The following STAC variants were observed in gnomAD, a reference collection of about 807,000 sequenced individuals.
STAC encodes the protein SH3 and cysteine rich domain.
Under a neutral mutation model 48.8 loss-of-function variants are expected in STAC, and 43 were observed. That is an observed-to-expected ratio of 0.88 (90% CI 0.69 to 1.14). STAC has a LOEUF of 1.14. Ranked by LOEUF, STAC falls within the 50% of genes most tolerant of loss-of-function variation. STAC has a pLI of 0.00. For synonymous variants in STAC, 193 were observed against 179.5 expected (o/e 1.07, Z -0.60); for missense variants, 497 against 504.0 (o/e 0.99, Z 0.13).
rs1321774761 is a variant in STAC at position 36,513,637 on chromosome 3, A to G, written c.920+7803A>G. Among the ~76,000 whole-genome samples the G allele has an allele frequency of 3.3e-5, 5 of 152,256 alleles. 1 individual carries two copies. Among genetic ancestry groups the G allele is most frequent in the Middle Eastern group, 6.8e-3 (2 of 294 alleles). On this transcript the variant is annotated intron_variant, in intron 8 of 10. Coordinates refer to ENST00000273183, the MANE Select transcript of STAC (RefSeq NM_003149.3). The stretch of plus-strand genomic sequence containing the variant: ...CTACTTTCTAATAATAAGGCTTACT[A>G]ACTAACTTTCTGAATCTGTTTTCTC...
chr3:36,449,990 C>T (rs1049289539), intron 2 of STAC, among the ~76,000 whole-genome samples: 16 of 152,196 alleles, frequency 1.1e-4, no homozygotes, highest in African/African-American at 3.8e-4. Context: ...CCTACTGGAA[C>T]ATCTGAATGC....
At position 36,547,395 on chromosome 3, in the gene STAC, A is replaced by T. The variant is rs2176995; in HGVS notation, c.*1106A>T. The T allele has an allele frequency of 0.12, 17,727 of 152,690 alleles. 1,228 individuals carry two copies. Among genetic ancestry groups the T allele is most frequent in the Non-Finnish European group, 0.15 (10,258 of 68,000 alleles). 9.5% of individuals were successfully genotyped at this position (152,690 alleles called of 1,614,324 possible). On this transcript the variant is annotated 3_prime_UTR_variant, in exon 11 of 11. Transcript: ENST00000273183. Reference sequence around the variant, plus strand: ...AAAGAATCCTAATGCTTCTTCCTTCAGAAAGTAGAGGAACTAGGGGCCCAA... The same window carrying T: ...AAAGAATCCTAATGCTTCTTCCTTCTGAAAGTAGAGGAACTAGGGGCCCAA...
At chr3:36,475,071 A>AT (rs1697456297) in intron 2 of STAC, among the ~76,000 whole-genome samples, 1 of 150,116 alleles carries the variant, frequency 6.7e-6, no homozygotes, top group Non-Finnish European at 1.5e-5. Context: ...ACTTAGTTTG[A>AT]TTTTTTCCTC....
At chr3:36,426,531 A>C (rs2125649046) in intron 1 of STAC, among the ~76,000 whole-genome samples, 1 of 152,380 alleles carries the variant, frequency 6.6e-6, no homozygotes, top group South Asian at 2.1e-4. Flanking sequence ...TGAAATACAC[A>C]AAGTATTCTG....
chr3:36,490,861 G>C (rs757462467), intron 5 of STAC, among the ~76,000 whole-genome samples: 6 of 152,144 alleles, frequency 3.9e-5, no homozygotes, highest in Non-Finnish European at 7.4e-5. Context: ...GGTTTTAGGA[G>C]CAAAAAGCAT....
At chr3:36,504,736 A>G (rs1698359596) in intron 7 of STAC, among the ~76,000 whole-genome samples, 1 of 152,050 alleles carries the variant, frequency 6.6e-6, no homozygotes, top group Admixed American at 6.6e-5. Flanking sequence ...ATTTTATAGC[A>G]TATATGTCAT....
intron 9 of STAC, 21 bp from the exon 10 acceptor site, chr3:36,528,827 A>G: frequency 6.2e-7 from 1 of 1,610,092 alleles, no homozygotes; most frequent in Non-Finnish European, 8.5e-7. Context: ...TTGTGGATGC[A>G]TGCCTCCTTT....
At chr3:36,429,661 G>A (rs944371075) in intron 1 of STAC, among the ~76,000 whole-genome samples, 2 of 152,170 alleles carry the variant, frequency 1.3e-5, no homozygotes, top group Non-Finnish European at 2.9e-5. Context: ...TCAGCCTTGA[G>A]TATGTGCCCC....
intron 10 of STAC, among the ~76,000 whole-genome samples, chr3:36,536,059 G>A (rs1454398204): frequency 6.6e-6 from 1 of 152,100 alleles, no homozygotes; most frequent in African/African-American, 2.4e-5. Context: ...GCTCCTTTTT[G>A]TACCTCTGGT....
At chr3:36,411,273 A>G (rs1700189053) in intron 1 of STAC, among the ~76,000 whole-genome samples, 1 of 152,232 alleles carries the variant, frequency 6.6e-6, no homozygotes, top group African/African-American at 2.4e-5. Context: ...TCTATAAGTC[A>G]TAAGTCAGTA....
chr3:36,478,793 T>C (rs1697562207), intron 2 of STAC, among the ~76,000 whole-genome samples: 1 of 152,162 alleles, frequency 6.6e-6, no homozygotes, highest in Non-Finnish European at 1.5e-5. Context: ...CGGCTAGTTT[T>C]TGAATTTGTA....
chr3:36,509,130 A>G (rs1454328274), intron 8 of STAC, among the ~76,000 whole-genome samples: 1 of 152,178 alleles, frequency 6.6e-6, no homozygotes, highest in Non-Finnish European at 1.5e-5. Flanking sequence ...AGAGTCTCTC[A>G]GCATTTGCTT....
intron 1 of STAC, among the ~76,000 whole-genome samples, chr3:36,433,694 A>C (rs1700760382): frequency 6.6e-6 from 1 of 152,174 alleles, no homozygotes; most frequent in Admixed American, 6.5e-5. Flanking sequence ...CACCATGCTG[A>C]CTTCTCAGAG....
At chr3:36,469,981 T>C (rs1437932459) in intron 2 of STAC, among the ~76,000 whole-genome samples, 23 of 152,210 alleles carry the variant, frequency 1.5e-4, no homozygotes, top group Admixed American at 1.4e-3. Context: ...TCCTGTATCA[T>C]GTTTTTTATT....
chr3:36,429,590 A>C (rs1269964265), intron 1 of STAC, among the ~76,000 whole-genome samples: 2 of 152,110 alleles, frequency 1.3e-5, no homozygotes, highest in Non-Finnish European at 2.9e-5. Context: ...CCTCAAGCCT[A>C]TACACTTGTT....
intron 8 of STAC, among the ~76,000 whole-genome samples, chr3:36,510,355 G>T (rs1193497245): frequency 6.6e-6 from 1 of 152,152 alleles, no homozygotes; most frequent in African/African-American, 2.4e-5. Flanking sequence ...CACTGTTTAT[G>T]GGGCTGTAAA....
chr3:36,477,720 T>C (rs1384956454), intron 2 of STAC, among the ~76,000 whole-genome samples: 1 of 152,222 alleles, frequency 6.6e-6, no homozygotes, highest in Non-Finnish European at 1.5e-5. Flanking sequence ...CCAAACTCTA[T>C]TTGAACATCG....
intron 1 of STAC, among the ~76,000 whole-genome samples, chr3:36,395,250 A>G (rs142574491): frequency 1.1e-3 from 169 of 152,318 alleles, no homozygotes; most frequent in African/African-American, 3.8e-3. Flanking sequence ...GAAACTGGGC[A>G]CAGGGATTTA....
intron 2 of STAC, among the ~76,000 whole-genome samples, chr3:36,478,978 C>G (rs1697567693): frequency 6.6e-6 from 1 of 152,152 alleles, no homozygotes; most frequent in South Asian, 2.1e-4. Flanking sequence ...TGCCTTACTT[C>G]TTTTGACGCT....
Sources: gnomAD v4.1 joint callset for allele counts (sites outside exome capture counted in the v4.1 genomes callset) on GRCh38, gnomAD v4.1.1 for gene constraint, MANE v1.5 for transcripts, NCBI Gene and HGNC (gene_info 2026-07-23, HGNC 2026-07-21) for gene names.